Variants in MLLT10 observed in about 807,000 individuals in gnomAD.
MLLT10 encodes protein AF-10.
A neutral mutation model predicts 129.1 loss-of-function variants in MLLT10; 30 were observed. That is an observed-to-expected ratio of 0.23 (90% CI 0.17 to 0.32). MLLT10 has a LOEUF of 0.32. MLLT10 is among the 10% of genes least tolerant of loss of function. The pLI is 1.00. For missense variants in MLLT10, 1,119 were observed against 1,268.3 expected (o/e 0.88, Z 1.79); for synonymous variants, 490 against 446.4 (o/e 1.10, Z -1.23).
chr10:21,559,157 C>T (rs752301750), intron 3 of MLLT10, among the ~76,000 whole-genome samples: 1 of 152,160 alleles, frequency 6.6e-6, no homozygotes, highest in Non-Finnish European at 1.5e-5. Flanking sequence ...AATCTTGGCT[C>T]ACTGCAGCCT....
chr10:21,613,390 A>G (rs2044867861), intron 6 of MLLT10, among the ~76,000 whole-genome samples: 1 of 152,116 alleles, frequency 6.6e-6, no homozygotes, highest in African/African-American at 2.4e-5. Context: ...CTGAGTTTTT[A>G]GTGTGTAGTT....
intron 3 of MLLT10, among the ~76,000 whole-genome samples, chr10:21,559,831 G>A (rs975976485): frequency 3.9e-5 from 6 of 152,130 alleles, no homozygotes; most frequent in South Asian, 2.1e-4. Flanking sequence ...TGTATATACC[G>A]TGTTTTGTTT....
At chr10:21,669,813 G>A (rs1157302628) in intron 9 of MLLT10, among the ~76,000 whole-genome samples, 1 of 152,108 alleles carries the variant, frequency 6.6e-6, no homozygotes, top group African/African-American at 2.4e-5. Flanking sequence ...CAGATCAAGG[G>A]AATGATTGAG....
chr10:21,620,566 G>T (rs1440485395), intron 8 of MLLT10, among the ~76,000 whole-genome samples: 2 of 152,168 alleles, frequency 1.3e-5, no homozygotes, highest in Non-Finnish European at 2.9e-5. Flanking sequence ...TGTATATTAT[G>T]AGCTAAATTT....
intron 14 of MLLT10, among the ~76,000 whole-genome samples, chr10:21,717,942 C>T (rs966097712): frequency 2.8e-5 from 4 of 140,886 alleles, no homozygotes; most frequent in Non-Finnish European, 4.6e-5. Flanking sequence ...TCCTTCTTTT[C>T]TTCTTTCTTC....
intron 13 of MLLT10, among the ~76,000 whole-genome samples, chr10:21,690,363 C>T (rs1300106597): frequency 6.6e-6 from 1 of 151,908 alleles, no homozygotes; most frequent in Non-Finnish European, 1.5e-5. Context: ...AATTAGTTTT[C>T]TAAAACCTTC....
intron 3 of MLLT10, among the ~76,000 whole-genome samples, chr10:21,549,725 C>T (rs535586999): frequency 2.0e-5 from 3 of 148,860 alleles, no homozygotes; most frequent in East Asian, 2.0e-4. Flanking sequence ...GCAGTGGCCG[C>T]GATCCTCTAC....
chr10:21,741,101 G>A (rs896677383), intron 22 of MLLT10, among the ~76,000 whole-genome samples: 1 of 152,222 alleles, frequency 6.6e-6, no homozygotes, highest in African/African-American at 2.4e-5. Context: ...TTTGTACTTA[G>A]TAACGAGAAT....
At chr10:21,627,027 G>A (rs757056961) in intron 8 of MLLT10, among the ~76,000 whole-genome samples, 1 of 152,122 alleles carries the variant, frequency 6.6e-6, no homozygotes, top group African/African-American at 2.4e-5. Flanking sequence ...GAGCCAGGCA[G>A]CCAGTAGGAT....
At chr10:21,660,092 C>T (rs773380348) in intron 9 of MLLT10, among the ~76,000 whole-genome samples, 3 of 151,910 alleles carry the variant, frequency 2.0e-5, no homozygotes. Context: ...GCCTCCTGAT[C>T]AGCTGAGACT....
At chr10:21,689,569 A>ATATATATATATATATGTATG (rs1564651792) in intron 13 of MLLT10, among the ~76,000 whole-genome samples, 10 of 83,184 alleles carry the variant, frequency 1.2e-4, no homozygotes, top group African/African-American at 3.5e-4. Context: ...ATATATGTAT[A>ATATATATATATATATGTATG]TATATATATA....
intron 3 of MLLT10, among the ~76,000 whole-genome samples, chr10:21,579,994 T>C (rs1564447335): frequency 6.6e-6 from 1 of 151,922 alleles, no homozygotes; most frequent in Non-Finnish European, 1.5e-5. Flanking sequence ...TAAAAAATTC[T>C]TTGTTTTTTT....
At chr10:21,711,691 G>A (rs1246227482) in intron 13 of MLLT10, among the ~76,000 whole-genome samples, 7 of 152,074 alleles carry the variant, frequency 4.6e-5, no homozygotes, top group African/African-American at 9.7e-5. Context: ...GCTGCAGTGA[G>A]CTATGATTGC....
rs572629529 is a variant in MLLT10, at chr10:21,739,110, C to T, written c.2956-920C>T. Among the ~76,000 whole-genome samples, 28 of 152,316 alleles carry T rather than the reference C, an allele frequency of 1.8e-4. No individual in the cohort carries two copies. The South Asian group carries it at 5.6e-3, about 30-fold the overall frequency. On this transcript the variant is annotated intron_variant, in intron 21 of 22. Transcript: ENST00000307729. ...CAGCTCCATCCTCACTCTGACACCC[C>T]ACATTGACTCCATCCTGAAATCAGA... is the stretch of plus-strand genomic sequence containing the variant.
chr10:21,699,108 C>T lies in MLLT10; in HGVS notation c.1700-14664C>T, dbSNP rs569298842. Among the ~76,000 whole-genome samples, 19 of 152,320 alleles carry T rather than the reference C, an allele frequency of 1.2e-4. No homozygotes were observed. The South Asian group carries it at 2.5e-3, about 20-fold the overall frequency. On this transcript the variant is annotated intron_variant, in intron 13 of 22. Coordinates refer to ENST00000307729, the MANE Select transcript of MLLT10 (RefSeq NM_001195626.3). ...CAGGCTGGTCTCAAACTCCTGACCT[C>T]AGGTGATCCACCCGCCTCGGCCTCC...
In MLLT10 at chr10:21,694,718, G is replaced by A. The variant is rs117537086; in HGVS notation, c.1699+12461G>A. Among the ~76,000 whole-genome samples, 125 of 152,268 alleles carry A rather than the reference G, an allele frequency of 8.2e-4. 1 individual carries two copies. In the East Asian group the frequency reaches 0.023, roughly 28 times the overall value. On this transcript the variant is annotated intron_variant, in intron 13 of 22. Transcript: ENST00000307729. ...ACTGTAAGTACATTAGTTTTCCATT[G>A]CTGACATAACAAATTATCAGAAAGT... is the stretch of plus-strand genomic sequence containing the variant.
rs545423849 is a variant in MLLT10 at position 21,551,187 on chromosome 10, AGTGCT to A, written c.240+12277_240+12281del. Reference sequence around the variant, plus strand: ...TGATCCGCCTGCCTCGGCCTCCCAAAGTGCTGGGATTATAGGCGTGAGCCACCGTG... The same window carrying A: ...TGATCCGCCTGCCTCGGCCTCCCAAAGGGATTATAGGCGTGAGCCACCGTG... On this transcript the variant is annotated intron_variant, in intron 3 of 22. Coordinates refer to ENST00000307729, the MANE Select transcript of MLLT10 (RefSeq NM_001195626.3). 4.4e-3 allele frequency among the ~76,000 whole-genome samples: 672 copies of A among 151,680 alleles called. 5 individuals are homozygous for A. The highest frequency in any genetic ancestry group is 0.015 in the African/African-American group (639 of 41,340).
intron 17 of MLLT10, among the ~76,000 whole-genome samples, chr10:21,731,276 A>G (rs2057948028): frequency 6.6e-6 from 1 of 152,242 alleles, no homozygotes; most frequent in African/African-American, 2.4e-5. Context: ...TATTAATAGT[A>G]TGATCTTGGG....
At chr10:21,713,493 A>G (rs2056290836) in intron 13 of MLLT10, among the ~76,000 whole-genome samples, 1 of 152,156 alleles carries the variant, frequency 6.6e-6, no homozygotes, top group South Asian at 2.1e-4. Flanking sequence ...GAAACTCCTA[A>G]AATCCATGAC....
Sources: allele counts gnomAD v4.1 joint callset (sites outside exome capture counted in the v4.1 genomes callset), GRCh38; gene constraint gnomAD v4.1.1; transcripts MANE v1.5; gene names NCBI Gene and HGNC (gene_info 2026-07-23, HGNC 2026-07-21).